The following EXPH5 variants were observed in gnomAD, a reference collection of about 807,000 sequenced individuals.
EXPH5 encodes the protein exophilin-5.
Under a neutral mutation model 41.1 loss-of-function variants are expected in EXPH5, and 42 were observed. That is an observed-to-expected ratio of 1.02 (90% CI 0.80 to 1.32). EXPH5 has a LOEUF of 1.32. Among genes scored for constraint, EXPH5 ranks in the 40% most tolerant of loss-of-function variants. EXPH5 has a pLI of 0.00. For synonymous variants in EXPH5, 798 were observed against 833.5 expected (o/e 0.96, Z 0.73); for missense variants, 2,298 against 2,314.5 (o/e 0.99, Z 0.15).
At chr11:108,580,934 A>G (rs1591758274) in intron 1 of EXPH5, among the ~76,000 whole-genome samples, 1 of 152,206 alleles carries the variant, frequency 6.6e-6, no homozygotes, top group Admixed American at 6.5e-5. Context: ...GAGACTTGTT[A>G]AAGGATATAA....
intron 1 of EXPH5, among the ~76,000 whole-genome samples, chr11:108,554,102 T>C (rs2093980232): frequency 6.6e-6 from 1 of 151,392 alleles, no homozygotes; most frequent in African/African-American, 2.4e-5. Flanking sequence ...CTTGCTCTGT[T>C]GCACAGGCTG....
At position 108,505,549 on chromosome 11, in the gene EXPH5, A is replaced by G. The variant is rs1416884854; in HGVS notation, c.*3988T>C. On this transcript the variant is annotated 3_prime_UTR_variant, in exon 6 of 6. Transcript: ENST00000265843. ...AACAAGTACATAAAAGGATTATTTG[A>G]CAAAGTTTTAACAAAAGTGCTTACA... The G allele has an allele frequency of 3.9e-5, 6 of 152,232 alleles. No individual in the cohort carries two copies. Among genetic ancestry groups the G allele is most frequent in the African/African-American group, 1.4e-4 (6 of 41,454 alleles). The allele number at this position is 152,232 out of a possible 1,614,324, so 9.4% of individuals were successfully genotyped here. A position where few individuals can be genotyped will look rare whatever the true frequency, so the allele number is the denominator to read the frequency against.
intron 3 of EXPH5, among the ~76,000 whole-genome samples, chr11:108,528,476 G>A (rs1374587580): frequency 6.6e-6 from 1 of 152,136 alleles, no homozygotes; most frequent in Non-Finnish European, 1.5e-5. Flanking sequence ...TAATAGCTAT[G>A]TTTGTTGCAC....
At chr11:108,555,174 C>G (rs1417639677) in intron 1 of EXPH5, among the ~76,000 whole-genome samples, 2 of 152,248 alleles carry the variant, frequency 1.3e-5, no homozygotes, top group Non-Finnish European at 2.9e-5. Context: ...CCGGCTAGCT[C>G]TCACACTGCA....
At chr11:108,561,217 G>A (rs1373945323) in intron 1 of EXPH5, among the ~76,000 whole-genome samples, 2 of 152,128 alleles carry the variant, frequency 1.3e-5, no homozygotes, top group Non-Finnish European at 1.5e-5. Context: ...TGTTTATTTG[G>A]TATATGTTTA....
At chr11:108,540,620 T>G (rs1394608165) in intron 2 of EXPH5, among the ~76,000 whole-genome samples, 1 of 152,152 alleles carries the variant, frequency 6.6e-6, no homozygotes, top group African/African-American at 2.4e-5. Context: ...AAAAGATATT[T>G]TATTTTAGTA....
rs2093708948 is a variant in EXPH5 at position 108,514,465 on chromosome 11, T to C, written c.1042A>G (p.Thr348Ala). 1.2e-6 allele frequency: 2 copies of C among 1,613,508 alleles called. No homozygotes were observed. Among genetic ancestry groups the C allele is most frequent in the Non-Finnish European group, 1.7e-6 (2 of 1,179,758 alleles). Residue 348 changes from threonine to alanine, a missense_variant, in exon 6 of 6, where the codon ACT (threonine) becomes GCT (alanine). Thr to Ala is a moderately conservative substitution (Grantham distance 58). Transcript: ENST00000265843. ...GGTATAAACCCACTCTTGCTCTGAG[T>C]TGTGGCTGGAAAATGTAAGCTTCTT... ...TARSLHFPAT[T>A]QSKSGFIPPR... is the part of the protein sequence containing the mutation.
At chr11:108,536,681 A>C (rs1287427067) in intron 3 of EXPH5, among the ~76,000 whole-genome samples, 1 of 152,200 alleles carries the variant, frequency 6.6e-6, no homozygotes, top group Non-Finnish European at 1.5e-5. Context: ...TGGGCCTTAA[A>C]GGGAACAAGT....
Position 108,511,837 on chromosome 11 carries a change from T to C in EXPH5, c.3670A>G (p.Lys1224Glu), listed in dbSNP as rs2135912562. Residue 1224 changes from lysine (K) to glutamate (E), a missense_variant, in exon 6 of 6, where the codon AAA becomes GAA. By Grantham distance (56) the Lys-to-Glu change is moderately conservative. Transcript: ENST00000265843. ...GTCGTCTTAACTTTATGTAATGTTT[T>C]CCCACGTTCTTTTCCTGACAAGTCT... is the stretch of plus-strand genomic sequence containing the variant. ...CSDLSGKERG[K>E]TLHKVKTTST... is the part of the protein sequence containing the mutation. 4 of 1,592,774 alleles carry C rather than the reference T, an allele frequency of 2.5e-6. No homozygotes were observed. In the South Asian group the frequency reaches 3.5e-5, roughly 14 times the overall value.
chr11:108,593,435 G>T lies in EXPH5; in HGVS notation c.102C>A (p.Ala34=). 6.2e-7 allele frequency: 1 copy of T among 1,613,836 alleles called. No individual in the cohort carries two copies. Among genetic ancestry groups the T allele is most frequent in the Non-Finnish European group, 8.5e-7 (1 of 1,179,712 alleles). Residue 34 remains alanine (A), a synonymous_variant, in exon 1 of 6, where the codon GCC becomes GCA. Transcript: ENST00000265843. ...VLERNEELQR[A]EKDRISKLQK... is the part of the protein sequence containing the mutation. The stretch of plus-strand genomic sequence containing the variant: ...CTCTGTACCTGATCCTGTCCTTCTC[G>T]GCCCTCTGTAACTCCTCATTCCTTT...
At chr11:108,593,866 G>A (rs375963840), upstream of EXPH5, 47 of 859,754 alleles carry the variant, frequency 5.5e-5, 1 homozygote, top group Middle Eastern at 9.5e-4. Flanking sequence ...CCCGTCCCTC[G>A]TCCCCTCCCT....
intron 1 of EXPH5, among the ~76,000 whole-genome samples, chr11:108,542,293 C>G (rs2093917182): frequency 1.3e-5 from 2 of 151,944 alleles, no homozygotes; most frequent in South Asian, 4.1e-4. Flanking sequence ...TGGCTCTAAT[C>G]AGAATTTCCC....
intron 1 of EXPH5, among the ~76,000 whole-genome samples, chr11:108,558,540 G>A (rs1379895821): frequency 1.3e-5 from 2 of 152,206 alleles, no homozygotes; most frequent in Admixed American, 6.5e-5. Flanking sequence ...AGCCTGGGAA[G>A]TCCCAGTCTG....
intron 1 of EXPH5, among the ~76,000 whole-genome samples, chr11:108,573,057 T>A (rs2094066131): frequency 3.3e-5 from 3 of 92,152 alleles, no homozygotes; most frequent in Non-Finnish European, 7.0e-5. Context: ...CTCAAAAAAA[T>A]GTTGAAAAAA....
intron 1 of EXPH5, chr11:108,568,116 A>G (rs1241164233): frequency 7.2e-6 from 1 of 138,162 alleles, no homozygotes; most frequent in Non-Finnish European, 1.5e-5. Flanking sequence ...GGTGAAAGCC[A>G]GCTTGTTACT....
chr11:108,601,258 T>C, the EXPH5 span, among the ~76,000 whole-genome samples: 1 of 152,248 alleles, frequency 6.6e-6, no homozygotes, highest in Non-Finnish European at 1.5e-5. Flanking sequence ...TTAATACCCG[T>C]AGTCACATGA....
intron 1 of EXPH5, among the ~76,000 whole-genome samples, chr11:108,550,825 G>T (rs1264201550): frequency 1.3e-5 from 2 of 151,904 alleles, no homozygotes; most frequent in African/African-American, 2.4e-5. Context: ...AAAATTTGGG[G>T]TGGTTCGTTA....
chr11:108,548,161 G>C (rs2093947455), intron 1 of EXPH5, among the ~76,000 whole-genome samples: 1 of 145,748 alleles, frequency 6.9e-6, no homozygotes, highest in South Asian at 2.2e-4. Context: ...TTCTTTACTG[G>C]AATAAGAAAT....
chr11:108,557,857 A>G (rs775518954), intron 1 of EXPH5, among the ~76,000 whole-genome samples: 2 of 152,158 alleles, frequency 1.3e-5, no homozygotes, highest in Admixed American at 1.3e-4. Flanking sequence ...TGAGTTTGGG[A>G]AATTCCCTTT....
Sources: allele counts gnomAD v4.1 joint callset (sites outside exome capture counted in the v4.1 genomes callset), GRCh38; gene constraint gnomAD v4.1.1; transcripts MANE v1.5; gene names NCBI Gene and HGNC (gene_info 2026-07-23, HGNC 2026-07-21).